Variants in ITPR1 observed in about 807,000 individuals in gnomAD.
ITPR1 encodes inositol 1,4,5-trisphosphate-gated calcium channel ITPR1.
ITPR1 carries 96 observed loss-of-function variants against 318.4 expected under a neutral mutation model. The ratio of observed to expected loss-of-function variants is 0.30; its 90% CI spans 0.26 to 0.36. The LOEUF (loss-of-function observed/expected upper bound fraction) is 0.36. ITPR1 is among the 10% of genes least tolerant of loss of function. The probability of loss-of-function intolerance (pLI) is 1.00; values close to 1 mark genes in which losing one functional copy is unlikely to be tolerated. For missense variants in ITPR1, 2,440 were observed against 3,460.2 expected, an observed-to-expected ratio of 0.71 and a Z score of 7.40; for synonymous variants, 1,312 against 1,289.9, an observed-to-expected ratio of 1.02 and a Z score of -0.37.
chr3:4,735,173 C>G lies in ITPR1; in HGVS notation c.5363C>G (p.Ser1788Cys), dbSNP rs868323338. ...PGKPGGGGGG[S>C]GSSSMSRGEM... is the part of the protein sequence containing the mutation. The stretch of plus-strand genomic sequence containing the variant: ...TATTCCATCTTCTTAGGGGGAGGTT[C>G]CGGATCCAGCTCTATGAGCAGGGGT... Residue 1788 changes from serine (S) to cysteine (C), a missense_variant, in exon 44 of 62, where the codon TCC becomes TGC. Physicochemically the swap from Ser to Cys is moderately radical, Grantham distance 112 (BLOSUM62 -1). Around this residue, in one of 23 missense-constraint regions of ITPR1, gnomAD observed 166 missense variants for 143.7 expected, o/e 1.16. Coordinates refer to ENST00000649015, the MANE Select transcript of ITPR1 (RefSeq NM_001378452.1). 1.2e-6 allele frequency: 2 copies of G among 1,612,624 alleles called. No homozygotes were observed. The highest frequency in any genetic ancestry group is 1.7e-5 in the Admixed American group (1 of 60,006).
At chr3:4,768,057 A>G (rs1352062883) in intron 45 of ITPR1, among the ~76,000 whole-genome samples, 2 of 152,232 alleles carry the variant, frequency 1.3e-5, no homozygotes, top group African/African-American at 4.8e-5. Flanking sequence ...AGGATGAGAT[A>G]AAATAACACA....
At chr3:4,519,924 A>G (rs1225856703) in intron 3 of ITPR1, among the ~76,000 whole-genome samples, 1 of 151,968 alleles carries the variant, frequency 6.6e-6, no homozygotes, top group African/African-American at 2.4e-5. Flanking sequence ...GCGCAGGAGA[A>G]GCTTGGTCGG....
At chr3:4,610,108 G>T (rs1447092048) in intron 4 of ITPR1, among the ~76,000 whole-genome samples, 3 of 152,094 alleles carry the variant, frequency 2.0e-5, no homozygotes, top group South Asian at 2.1e-4. Context: ...AGATTTCTGT[G>T]GCATCTCATT....
intron 50 of ITPR1, 32 bp from the exon 51 acceptor site, chr3:4,783,784 C>T (rs373043181): frequency 2.2e-5 from 33 of 1,489,042 alleles, no homozygotes; most frequent in Non-Finnish European, 2.9e-5. Flanking sequence ...GAAGAGACAC[C>T]AACCTCCTGT....
chr3:4,713,663 A>G (rs183457973), intron 39 of ITPR1, among the ~76,000 whole-genome samples: 1 of 152,364 alleles, frequency 6.6e-6, no homozygotes, highest in Admixed American at 6.5e-5. Flanking sequence ...GGAGAAAGAA[A>G]GGGCATAGGG....
At chr3:4,811,739 T>C (rs1433957546) in intron 56 of ITPR1, among the ~76,000 whole-genome samples, 2 of 152,202 alleles carry the variant, frequency 1.3e-5, no homozygotes, top group Non-Finnish European at 2.9e-5. Flanking sequence ...TGACCATACA[T>C]ATTGAGAGCG....
intron 60 of ITPR1, among the ~76,000 whole-genome samples, chr3:4,818,492 G>A (rs966292837): frequency 6.6e-6 from 1 of 152,066 alleles, no homozygotes; most frequent in Non-Finnish European, 1.5e-5. Flanking sequence ...AGATTAGCAC[G>A]TGACCACGGA....
At chr3:4,696,536 G>A (rs6442899) in intron 33 of ITPR1, among the ~76,000 whole-genome samples, 63,568 of 151,620 alleles carry the variant, frequency 0.42, 14,284 homozygotes, top group Non-Finnish European at 0.53. Flanking sequence ...GATTGTTTCC[G>A]CTTTTTGACT....
intron 53 of ITPR1, among the ~76,000 whole-genome samples, chr3:4,799,443 C>A (rs1314886762): frequency 6.6e-6 from 1 of 152,130 alleles, no homozygotes; most frequent in African/African-American, 2.4e-5. Flanking sequence ...TCTCCGCAGG[C>A]GTGGACTCAA....
chr3:4,602,974 C>T (rs530654736), intron 4 of ITPR1, among the ~76,000 whole-genome samples: 69 of 152,144 alleles, frequency 4.5e-4, no homozygotes, highest in African/African-American at 1.6e-3. Context: ...GAGTTGTACT[C>T]TGAATTTTGT....
intron 17 of ITPR1, 28 bp downstream of exon 17, chr3:4,665,324 G>T: frequency 6.3e-7 from 1 of 1,584,106 alleles, no homozygotes; most frequent in Non-Finnish European, 8.6e-7. Flanking sequence ...GTGGGATGTG[G>T]TTGTCAGTTT....
At chr3:4,605,170 A>T (rs987166947) in intron 4 of ITPR1, among the ~76,000 whole-genome samples, 4 of 152,126 alleles carry the variant, frequency 2.6e-5, no homozygotes, top group Non-Finnish European at 4.4e-5. Flanking sequence ...ATGGGGTTTC[A>T]CTATGTTGGC....
chr3:4,676,640 G>A lies in ITPR1; in HGVS notation c.2806G>A (p.Gly936Ser), dbSNP rs1559671950. 12 of 1,613,690 alleles carry A rather than the reference G, an allele frequency of 7.4e-6. No individual in the cohort carries two copies. The highest frequency in any genetic ancestry group is 1.0e-5 in the Non-Finnish European group (12 of 1,179,744). ...KSSNVMRSIHGVGELMTQVVL... is the reference protein window; with the variant it reads ...KSSNVMRSIHSVGELMTQVVL... ...CAGTAACGTGATGAGATCTATTCAT[G>A]GCGTGGGAGAGCTGATGACCCAGGT... Residue 936 changes from glycine to serine, a missense_variant, in exon 24 of 62, where the codon GGC (glycine) becomes AGC (serine). This residue lies in a region of ITPR1 where 478 missense variants were observed against 696.3 expected (regional missense o/e 0.69). Transcript: ENST00000649015.
intron 40 of ITPR1, among the ~76,000 whole-genome samples, chr3:4,718,800 C>T (rs980858847): frequency 5.3e-5 from 8 of 152,178 alleles, no homozygotes; most frequent in Non-Finnish European, 1.2e-4. Context: ...GGAATTTTGC[C>T]GTTTCCTGTT....
chr3:4,751,640 C>A (rs2044530661), intron 44 of ITPR1: 5 of 152,250 alleles, frequency 3.3e-5, no homozygotes, highest in African/African-American at 9.6e-5. Flanking sequence ...GGCAAGCTGA[C>A]TTCCCTTTAT....
chr3:4,818,980 G>A (rs982229557), intron 60 of ITPR1, among the ~76,000 whole-genome samples: 2 of 152,174 alleles, frequency 1.3e-5, no homozygotes, highest in Non-Finnish European at 2.9e-5. Flanking sequence ...CTGTGAAATC[G>A]AGGGAGTCTC....
At chr3:4,839,604 A>G (rs1253048876) in intron 61 of ITPR1, among the ~76,000 whole-genome samples, 1 of 152,218 alleles carries the variant, frequency 6.6e-6, no homozygotes, top group African/African-American at 2.4e-5. Flanking sequence ...AAGTCGCATC[A>G]TATACTTAAA....
chr3:4,711,620 C>T lies in ITPR1; in HGVS notation c.4992-137C>T, dbSNP rs138857860. 9.6e-6 allele frequency: 6 copies of T among 628,256 alleles called. No homozygotes were observed. The South Asian group carries it at 1.2e-4, about 12-fold the overall frequency. The allele number at this position is 628,256 out of a possible 1,614,324, so 38.9% of individuals were successfully genotyped here. On this transcript the variant is annotated intron_variant, in intron 38 of 61. Coordinates refer to ENST00000649015, the MANE Select transcript of ITPR1 (RefSeq NM_001378452.1). ...CTGGCTGTTCTCAGTGCAGGGAATG[C>T]CCTGAAGTATCTTTAACCTGAGAGC... is the stretch of plus-strand genomic sequence containing the variant.
At chr3:4,777,662 A>AC (rs2046563179) in intron 48 of ITPR1, among the ~76,000 whole-genome samples, 1 of 151,956 alleles carries the variant, frequency 6.6e-6, no homozygotes, top group Admixed American at 6.6e-5. Flanking sequence ...AGTACTAAAT[A>AC]CCTTGGTTCT....
Sources: gnomAD v4.1 joint callset for allele counts (sites outside exome capture counted in the v4.1 genomes callset) on GRCh38, gnomAD v4.1.1 for gene constraint, gnomAD v4.1.1 regional missense constraint, MANE v1.5 for transcripts, NCBI Gene and HGNC (gene_info 2026-07-23, HGNC 2026-07-21) for gene names.